IGF1R: variants seen among roughly 807,000 people sequenced by gnomAD.
IGF1R encodes insulin-like growth factor 1 receptor.
A neutral mutation model predicts 144.6 loss-of-function variants in IGF1R; 44 were observed. The observed-to-expected ratio is 0.30, with a 90% confidence interval of 0.24 to 0.39. IGF1R has a LOEUF of 0.39. Ranked by LOEUF, IGF1R falls within the 10% of genes least tolerant of loss-of-function variation. The pLI, the probability that IGF1R is intolerant of heterozygous loss-of-function variation, is 1.00. For missense variants in IGF1R, 1,355 were observed against 1,833.7 expected, an observed-to-expected ratio of 0.74 and a Z score of 4.77; for synonymous variants, 795 against 722.8, an observed-to-expected ratio of 1.10 and a Z score of -1.60.
intron 2 of IGF1R, among the ~76,000 whole-genome samples, chr15:98,782,749 C>G (rs2055889009): frequency 6.6e-6 from 1 of 152,138 alleles, no homozygotes; most frequent in African/African-American, 2.4e-5. Context: ...TTAAAATAGT[C>G]TTGTTCCTTC....
intron 1 of IGF1R, among the ~76,000 whole-genome samples, chr15:98,664,690 CAAAAAA>C (rs573877268): frequency 2.4e-4 from 17 of 69,598 alleles, no homozygotes; most frequent in East Asian, 2.4e-3. Context: ...GACTCCATGT[CAAAAAA>C]AAAAAAAAAA....
intron 1 of IGF1R, among the ~76,000 whole-genome samples, chr15:98,650,394 C>T (rs2052328843): frequency 6.6e-6 from 1 of 152,158 alleles, no homozygotes; most frequent in African/African-American, 2.4e-5. Context: ...GGGAAGCGCT[C>T]TCTGGGCAGC....
chr15:98,830,993 AAGAG>A (rs1318326678), intron 2 of IGF1R, among the ~76,000 whole-genome samples: 2 of 152,072 alleles, frequency 1.3e-5, no homozygotes, highest in Non-Finnish European at 2.9e-5. Context: ...CAAGAAGAGA[AAGAG>A]AGACGCCAGA....
intron 2 of IGF1R, among the ~76,000 whole-genome samples, chr15:98,713,059 C>T (rs3803477): frequency 0.033 from 4,949 of 151,934 alleles, 98 homozygotes; most frequent in East Asian, 0.055. Context: ...CACTCCCTCC[C>T]GCCTGCCTGC....
At chr15:98,689,415 T>A (rs910425805) in intron 1 of IGF1R, among the ~76,000 whole-genome samples, 1 of 137,880 alleles carries the variant, frequency 7.3e-6, no homozygotes, top group Non-Finnish European at 1.6e-5. Context: ...ATTTTTATAT[T>A]TTTAGTAGGG....
chr15:98,835,497 G>T (rs1201198040), intron 2 of IGF1R, among the ~76,000 whole-genome samples: 1 of 152,190 alleles, frequency 6.6e-6, no homozygotes, highest in Non-Finnish European at 1.5e-5. Context: ...GAGTGGATAG[G>T]CTTCCATAGT....
At chr15:98,941,722 C>CA (rs1385490157) in intron 18 of IGF1R, among the ~76,000 whole-genome samples, 2 of 152,224 alleles carry the variant, frequency 1.3e-5, no homozygotes, top group African/African-American at 4.8e-5. Flanking sequence ...GGGCTCTTAG[C>CA]ATAGCACAAG....
At chr15:98,770,161 C>T (rs529895099) in intron 2 of IGF1R, among the ~76,000 whole-genome samples, 1 of 152,230 alleles carries the variant, frequency 6.6e-6, no homozygotes, top group South Asian at 2.1e-4. Context: ...TCCACCATGT[C>T]ACTCTGACTT....
chr15:98,883,383 T>C (rs2013476810), intron 2 of IGF1R, among the ~76,000 whole-genome samples: 2 of 152,234 alleles, frequency 1.3e-5, no homozygotes, highest in Non-Finnish European at 2.9e-5. Context: ...AAATATGTCT[T>C]TACTGTGTGT....
chr15:98,928,721 C>G (rs187478324), intron 13 of IGF1R, among the ~76,000 whole-genome samples: 2 of 152,256 alleles, frequency 1.3e-5, no homozygotes, highest in Non-Finnish European at 2.9e-5. Flanking sequence ...AGTTGTCATG[C>G]TACCTGTTGA....
intron 13 of IGF1R, among the ~76,000 whole-genome samples, chr15:98,927,308 A>T (rs551021105): frequency 6.6e-6 from 1 of 152,218 alleles, no homozygotes; most frequent in South Asian, 2.1e-4. Flanking sequence ...CTCAGAGGAG[A>T]TGGAAGGTTT....
intron 10 of IGF1R, among the ~76,000 whole-genome samples, chr15:98,917,948 A>G (rs1020521187): frequency 1.3e-5 from 2 of 152,214 alleles, no homozygotes; most frequent in African/African-American, 4.8e-5. Flanking sequence ...AATGCAATTA[A>G]TGCCACTGAA....
chr15:98,755,514 G>A (rs2055126474), intron 2 of IGF1R, among the ~76,000 whole-genome samples: 1 of 151,996 alleles, frequency 6.6e-6, no homozygotes, highest in South Asian at 2.1e-4. Context: ...GCTGAAGTGG[G>A]TGGATCACCT....
At chr15:98,761,138 A>G (rs1165790674) in intron 2 of IGF1R, among the ~76,000 whole-genome samples, 2 of 152,076 alleles carry the variant, frequency 1.3e-5, no homozygotes, top group African/African-American at 4.8e-5. Flanking sequence ...GTCTTGGGCA[A>G]CCCTGGCTCT....
chr15:98,902,281 C>T (rs898678554), intron 5 of IGF1R, among the ~76,000 whole-genome samples: 7 of 152,062 alleles, frequency 4.6e-5, no homozygotes, highest in Non-Finnish European at 1.0e-4. Context: ...TGCTTTATCC[C>T]TTCATTTCTT....
intron 2 of IGF1R, among the ~76,000 whole-genome samples, chr15:98,850,103 G>T (rs79651952): frequency 0.016 from 2,401 of 152,304 alleles, 26 homozygotes; most frequent in Non-Finnish European, 0.026. Context: ...TGTTTCAAAT[G>T]GCAAAAGATG....
Position 98,809,992 on chromosome 15 carries a change from C to T in IGF1R, c.641-81333C>T, listed in dbSNP as rs1218500253. On this transcript the variant is annotated intron_variant, in intron 2 of 20. Transcript: ENST00000650285. ...CAGCAAACTGACCCAGACAGACTCC[C>T]GCTTTAGGGAAGCTGGGATGAACTA... Among the ~76,000 whole-genome samples the T allele has an allele frequency of 9.2e-5, 14 of 152,250 alleles. 1 individual carries two copies. The South Asian group carries it at 2.3e-3, about 25-fold the overall frequency.
intron 2 of IGF1R, among the ~76,000 whole-genome samples, chr15:98,811,675 C>G (rs1483479644): frequency 2.0e-5 from 3 of 152,042 alleles, no homozygotes; most frequent in African/African-American, 2.4e-5. Flanking sequence ...GCCTGTAATC[C>G]CAGCACTTTG....
intron 2 of IGF1R, among the ~76,000 whole-genome samples, chr15:98,829,968 C>G (rs1273386254): frequency 6.6e-6 from 1 of 152,176 alleles, no homozygotes; most frequent in Non-Finnish European, 1.5e-5. Flanking sequence ...ATAGTTGTAA[C>G]AAACTGATTA....
Sources: allele counts gnomAD v4.1 joint callset (sites outside exome capture counted in the v4.1 genomes callset), GRCh38; gene constraint gnomAD v4.1.1; transcripts MANE v1.5; gene names NCBI Gene and HGNC (gene_info 2026-07-23, HGNC 2026-07-21).